ZNF736: variants seen among roughly 807,000 people sequenced by gnomAD.
ZNF736 encodes the protein KRAB-containing zinc-finger repressor protein.
ZNF736 carries 6 observed loss-of-function variants against 11.7 expected under a neutral mutation model. The observed-to-expected ratio is 0.51, with a 90% CI of 0.28 to 1.01. ZNF736 has a LOEUF of 1.01. ZNF736 is among the 50% of genes least tolerant of loss of function. ZNF736 has a pLI of 0.09. For missense variants in ZNF736, 444 were observed against 496.0 expected, an observed-to-expected ratio of 0.90 and a Z score of 1.00; for synonymous variants, 139 against 164.7, an observed-to-expected ratio of 0.84 and a Z score of 1.19.
At chr7:64,332,631 C>T (rs1159917235) in intron 1 of ZNF736, among the ~76,000 whole-genome samples, 1 of 152,122 alleles carries the variant, frequency 6.6e-6, no homozygotes, top group Non-Finnish European at 1.5e-5. Flanking sequence ...TTTTTCCCCA[C>T]CCTAGTAAGC....
intron 1 of ZNF736, among the ~76,000 whole-genome samples, chr7:64,327,831 A>T (rs1463658043): frequency 6.6e-6 from 1 of 152,202 alleles, no homozygotes; most frequent in Non-Finnish European, 1.5e-5. Context: ...AGAGAAAACT[A>T]ATAAAAGCTA....
chr7:64,346,635 T>C (rs868630614), intron 3 of ZNF736, among the ~76,000 whole-genome samples: 2 of 152,276 alleles, frequency 1.3e-5, no homozygotes, highest in African/African-American at 2.4e-5. Flanking sequence ...TCTGCGACTT[T>C]TAAAACATTG....
At chr7:64,347,728 C>A (rs1318271588) in intron 3 of ZNF736, among the ~76,000 whole-genome samples, 1 of 152,174 alleles carries the variant, frequency 6.6e-6, no homozygotes, top group African/African-American at 2.4e-5. Context: ...AAGCCAGAAG[C>A]ATGGACACAT....
chr7:64,349,030 A>C lies in ZNF736; in HGVS notation c.1167A>C (p.Arg389Ser). Residue 389 changes from arginine to serine, a missense_variant, in exon 4 of 4, where the codon AGA (arginine) becomes AGC (serine). Coordinates refer to ENST00000423484, the MANE Select transcript of ZNF736 (RefSeq NM_001170905.3). ...TCTCAGACCTGACTAATCATAAGAGAATTCACACTGGAGAGAAACCCTACA... is the reference window on the plus strand; with the variant it reads ...TCTCAGACCTGACTAATCATAAGAGCATTCACACTGGAGAGAAACCCTACA... ...KCFSDLTNHK[R>S]IHTGEKPYKC... The C allele has an allele frequency of 6.2e-7, 1 of 1,604,968 alleles. No homozygotes were observed.
chr7:64,314,130 G>C lies in ZNF736; in HGVS notation c.-21G>C. The C allele has an allele frequency of 1.3e-6, 2 of 1,552,058 alleles. No homozygotes were observed. Among genetic ancestry groups the C allele is most frequent in the Non-Finnish European group, 1.7e-6 (2 of 1,147,264 alleles). ...CTGGGAGATCCATAGGGAGGACGGC[G>C]GAACATCTGGAGGCTGGGAAATGGT... is the stretch of plus-strand genomic sequence containing the variant. On this transcript the variant is annotated 5_prime_UTR_variant, in exon 1 of 4. Transcript: ENST00000423484.
At chr7:64,317,130 A>G (rs1293296196) in intron 1 of ZNF736, among the ~76,000 whole-genome samples, 1 of 152,194 alleles carries the variant, frequency 6.6e-6, no homozygotes, top group Admixed American at 6.5e-5. Context: ...TTATGTGTAC[A>G]CAATAAAAAG....
chr7:64,341,648 G>A (rs899784621), intron 3 of ZNF736, among the ~76,000 whole-genome samples: 2 of 152,098 alleles, frequency 1.3e-5, no homozygotes, highest in Non-Finnish European at 2.9e-5. Flanking sequence ...TTCATGTTAA[G>A]GGAGACAGAC....
At chr7:64,338,802 T>C (rs529440496) in intron 3 of ZNF736, among the ~76,000 whole-genome samples, 86 of 151,962 alleles carry the variant, frequency 5.7e-4, no homozygotes, top group African/African-American at 1.9e-3. Flanking sequence ...TCAATGAACA[T>C]GGAGGTGCAG....
intron 3 of ZNF736, among the ~76,000 whole-genome samples, chr7:64,341,577 G>A (rs1465380006): frequency 6.6e-6 from 1 of 152,048 alleles, no homozygotes; most frequent in Non-Finnish European, 1.5e-5. Context: ...AGTTCCTCTA[G>A]TATTATAACA....
intron 3 of ZNF736, among the ~76,000 whole-genome samples, chr7:64,345,217 T>C (rs1012611105): frequency 6.7e-4 from 98 of 146,866 alleles, no homozygotes; most frequent in Non-Finnish European, 1.2e-3. Flanking sequence ...AGAGACGGGG[T>C]TTCACCATGT....
intron 1 of ZNF736, among the ~76,000 whole-genome samples, chr7:64,315,398 A>G (rs1455774188): frequency 9.2e-5 from 14 of 152,120 alleles, no homozygotes; most frequent in Admixed American, 9.2e-4. Flanking sequence ...GGTATGAGGA[A>G]GCAAACCAGA....
At chr7:64,329,866 G>A (rs955005235) in intron 1 of ZNF736, among the ~76,000 whole-genome samples, 2 of 152,174 alleles carry the variant, frequency 1.3e-5, no homozygotes, top group Admixed American at 6.5e-5. Flanking sequence ...TGGGCTGGGG[G>A]TAGCAAAATG....
chr7:64,349,491 A>G lies in ZNF736; in HGVS notation c.*344A>G, dbSNP rs1366432354. 5.4e-6 allele frequency: 1 copy of G among 183,980 alleles called. No homozygotes were observed. Among genetic ancestry groups the G allele is most frequent in the Non-Finnish European group, 1.1e-5 (1 of 88,354 alleles). 11.4% of individuals were successfully genotyped at this position (183,980 alleles called of 1,614,324 possible). A position where few individuals can be genotyped will look rare whatever the true frequency, so the allele number is the denominator to read the frequency against. On this transcript the variant is annotated 3_prime_UTR_variant, in exon 4 of 4. Coordinates refer to ENST00000423484, the MANE Select transcript of ZNF736 (RefSeq NM_001170905.3). The stretch of plus-strand genomic sequence containing the variant: ...TTGAGATGGGTGTCTTGATTAAAGC[A>G]TACCATTAGATCTTGATTCTTTTTT...
rs566167464 is a variant in ZNF736 at position 64,349,946 on chromosome 7, T to C, written c.*799T>C. ...ATTTGTTGTTTTCCTGATGAGCTTC[T>C]TTTTAGAGGTGACCTGGCCTTTCTC... On this transcript the variant is annotated 3_prime_UTR_variant, in exon 4 of 4. Coordinates refer to ENST00000423484, the MANE Select transcript of ZNF736 (RefSeq NM_001170905.3). The C allele has an allele frequency of 6.6e-6, 1 of 152,322 alleles. No individual in the cohort carries two copies. The highest frequency in any genetic ancestry group is 1.9e-4 in the East Asian group (1 of 5,184). 9.4% of individuals were successfully genotyped at this position (152,322 alleles called of 1,614,324 possible).
chr7:64,347,440 G>C (rs758163502), intron 3 of ZNF736, among the ~76,000 whole-genome samples: 8 of 151,844 alleles, frequency 5.3e-5, no homozygotes, highest in Non-Finnish European at 1.2e-4. Context: ...TGGCCTGTCT[G>C]GTCTTGAACA....
At chr7:64,338,483 T>C (rs1360103974) in intron 3 of ZNF736, among the ~76,000 whole-genome samples, 3 of 152,144 alleles carry the variant, frequency 2.0e-5, no homozygotes, top group Non-Finnish European at 4.4e-5. Flanking sequence ...TTTGTACCAT[T>C]TGAACAACAT....
rs1789484769 is a variant in ZNF736 at position 64,351,344 on chromosome 7, A to G, written c.*2197A>G. 6.6e-6 allele frequency: 1 copy of G among 152,322 alleles called. No homozygotes were observed. The highest frequency in any genetic ancestry group is 1.5e-5 in the Non-Finnish European group (1 of 68,100). 9.4% of individuals were successfully genotyped at this position (152,322 alleles called of 1,614,324 possible). A position where few individuals can be genotyped will look rare whatever the true frequency, so the allele number is the denominator to read the frequency against. On this transcript the variant is annotated 3_prime_UTR_variant, in exon 4 of 4. Transcript: ENST00000423484. ...TGCCTTTGCAGACATGTGCCAGCAAAGAAATATCAGGAGTTGCCATGGTGT... is the reference window on the plus strand; with the variant it reads ...TGCCTTTGCAGACATGTGCCAGCAAGGAAATATCAGGAGTTGCCATGGTGT...
chr7:64,349,263 G>A lies in ZNF736; in HGVS notation c.*116G>A, dbSNP rs1234439504. 2.1e-6 allele frequency: 2 copies of A among 959,508 alleles called. No homozygotes were observed. The highest frequency in any genetic ancestry group is 3.0e-6 in the Non-Finnish European group (2 of 674,152). The allele number at this position is 959,508 out of a possible 1,614,324, so 59.4% of individuals were successfully genotyped here. ...GGAAGAACATTTATCATCTTAGAGG[G>A]TCTCTAAGAACTTACTTTATAATCT... On this transcript the variant is annotated 3_prime_UTR_variant, in exon 4 of 4. Transcript: ENST00000423484.
intron 3 of ZNF736, among the ~76,000 whole-genome samples, chr7:64,337,755 G>GTTTTTTTTTTTTTTTTTTTTTTTT (rs147991832): frequency 2.3e-5 from 2 of 86,256 alleles, no homozygotes; most frequent in African/African-American, 1.3e-4. Flanking sequence ...TGTTTTTTTT[G>GTTTTTTTTTTTTTTTTTTTTTTTT]GTTTTTTTTT....
Sources: allele counts gnomAD v4.1 joint callset (sites outside exome capture counted in the v4.1 genomes callset), GRCh38; gene constraint gnomAD v4.1.1; transcripts MANE v1.5; gene names NCBI Gene and HGNC (gene_info 2026-07-23, HGNC 2026-07-21).